DPP10: variants seen among roughly 807,000 people sequenced by gnomAD.
The protein encoded by DPP10 is dipeptidyl peptidase like 10.
In DPP10, 33 loss-of-function variants were observed where a neutral mutation model predicts 120.9. The observed-to-expected ratio is 0.27, with a 90% CI of 0.21 to 0.37. DPP10 has a LOEUF of 0.37. DPP10 is among the 10% of genes least tolerant of loss of function. DPP10 has a pLI of 1.00. For missense variants in DPP10, 816 were observed against 942.8 expected (o/e 0.87, Z 1.76); for synonymous variants, 337 against 326.1 (o/e 1.03, Z -0.36).
intron 7 of DPP10, among the ~76,000 whole-genome samples, chr2:115,718,155 T>C (rs1440078896): frequency 6.7e-6 from 1 of 149,868 alleles, no homozygotes; most frequent in Non-Finnish European, 1.5e-5. Flanking sequence ...TTATCTTTTC[T>C]AGCAAATTAC....
intron 1 of DPP10, among the ~76,000 whole-genome samples, chr2:114,897,042 T>C (rs557781665): frequency 1.3e-5 from 2 of 152,218 alleles, no homozygotes; most frequent in Non-Finnish European, 2.9e-5. Flanking sequence ...TTACATTTAT[T>C]GATTTGCATA....
At chr2:114,943,997 TTTAG>T (rs1329802911) in intron 1 of DPP10, among the ~76,000 whole-genome samples, 1 of 152,192 alleles carries the variant, frequency 6.6e-6, no homozygotes, top group Non-Finnish European at 1.5e-5. Context: ...TATGTGGTAA[TTTAG>T]TTAGCTTGGT....
At chr2:115,178,586 T>C (rs2053865988) in intron 1 of DPP10, among the ~76,000 whole-genome samples, 1 of 152,214 alleles carries the variant, frequency 6.6e-6, no homozygotes, top group South Asian at 2.1e-4. Context: ...ATGGTTATTA[T>C]GATATGTATG....
At chr2:114,525,164 T>C (rs1209966434) in intron 1 of DPP10, among the ~76,000 whole-genome samples, 1 of 152,168 alleles carries the variant, frequency 6.6e-6, no homozygotes, top group Non-Finnish European at 1.5e-5. Context: ...GTATTAGAAA[T>C]AAAGAATTGG....
rs1573327331 is a variant in DPP10, at chr2:115,019,064, C to A, written c.61-290175C>A. 2.0e-5 allele frequency among the ~76,000 whole-genome samples: 3 copies of A among 151,758 alleles called. No homozygotes were observed. The South Asian group carries it at 6.3e-4, about 32-fold the overall frequency. The stretch of plus-strand genomic sequence containing the variant: ...CAGCACCCACCTGCCACCCCTCCCC[C>A]ACCATTCTCGCACCCCCGCCCCTGC... On this transcript the variant is annotated intron_variant, in intron 1 of 25. Transcript: ENST00000410059.
intron 5 of DPP10, among the ~76,000 whole-genome samples, chr2:115,638,851 G>A (rs1325174435): frequency 6.6e-6 from 1 of 152,124 alleles, no homozygotes; most frequent in Non-Finnish European, 1.5e-5. Flanking sequence ...ACACAAACAC[G>A]GAAGCACTAA....
At chr2:115,765,312 G>A (rs1680583884) in intron 12 of DPP10, among the ~76,000 whole-genome samples, 1 of 152,090 alleles carries the variant, frequency 6.6e-6, no homozygotes, top group South Asian at 2.1e-4. Flanking sequence ...AAGGGAGAAC[G>A]GTAAGGGAGG....
At chr2:115,420,981 T>C (rs909863064) in intron 3 of DPP10, among the ~76,000 whole-genome samples, 1 of 152,200 alleles carries the variant, frequency 6.6e-6, no homozygotes, top group Non-Finnish European at 1.5e-5. Context: ...TTATAAGATA[T>C]ATTTCGTAAT....
At chr2:114,630,904 G>A (rs567212685) in intron 1 of DPP10, among the ~76,000 whole-genome samples, 4 of 152,100 alleles carry the variant, frequency 2.6e-5, no homozygotes, top group African/African-American at 9.6e-5. Context: ...TGGGAGTCTC[G>A]ATTGAACTAT....
Position 115,117,216 on chromosome 2 carries a change from T to C in DPP10, c.61-192023T>C, listed in dbSNP as rs1573674713. Among the ~76,000 whole-genome samples, 3 of 152,302 alleles carry C rather than the reference T, an allele frequency of 2.0e-5. No homozygotes were observed. In the South Asian group the frequency reaches 6.2e-4, roughly 32 times the overall value. ...GACAAAGAGTAGATTATTTAGCCTA[T>C]TTTATTTACAAGGTACAGCAAGTTA... On this transcript the variant is annotated intron_variant, in intron 1 of 25. Coordinates refer to ENST00000410059, the MANE Select transcript of DPP10 (RefSeq NM_020868.6).
At chr2:115,360,592 T>A (rs750321031) in intron 3 of DPP10, among the ~76,000 whole-genome samples, 1 of 152,152 alleles carries the variant, frequency 6.6e-6, no homozygotes, top group Non-Finnish European at 1.5e-5. Context: ...TTGGGGGGAA[T>A]CAGGGGATGA....
At chr2:115,606,233 GA>G (rs2083695726) in intron 5 of DPP10, among the ~76,000 whole-genome samples, 1 of 152,036 alleles carries the variant, frequency 6.6e-6, no homozygotes, top group South Asian at 2.1e-4. Context: ...ATTCTTGAGA[GA>G]AAAACCTGTT....
rs566329417 is a variant in DPP10, at chr2:115,435,418, T to C, written c.272-64092T>C. Among the ~76,000 whole-genome samples, 4 of 151,948 alleles carry C rather than the reference T, an allele frequency of 2.6e-5. No individual in the cohort carries two copies. The East Asian group carries it at 7.8e-4, about 29-fold the overall frequency. ...ACTGTGATGAGATGGTGTCTCATTG[T>C]GGTTTGATTCTAATTTCCCTGATGA... is the stretch of plus-strand genomic sequence containing the variant. On this transcript the variant is annotated intron_variant, in intron 3 of 25. Coordinates refer to ENST00000410059, the MANE Select transcript of DPP10 (RefSeq NM_020868.6).
At chr2:114,488,769 T>G (rs1413594377) in intron 1 of DPP10, among the ~76,000 whole-genome samples, 2 of 152,196 alleles carry the variant, frequency 1.3e-5, no homozygotes, top group Non-Finnish European at 2.9e-5. Context: ...CAACATCCTT[T>G]TAATAAGAAG....
chr2:115,139,724 T>TAAAAAAAAAAAAAAAAAA (rs55826687), intron 1 of DPP10, among the ~76,000 whole-genome samples: 7 of 56,632 alleles, frequency 1.2e-4, no homozygotes, highest in Admixed American at 5.1e-4. Flanking sequence ...GTAAAAATAC[T>TAAAAAAAAAAAAAAAAAA]AAAAAAAAAA....
intron 1 of DPP10, among the ~76,000 whole-genome samples, chr2:114,751,371 A>AC (rs1202679435): frequency 6.6e-6 from 1 of 152,068 alleles, no homozygotes; most frequent in Non-Finnish European, 1.5e-5. Context: ...ACTTATTCAC[A>AC]CCCCAGCCAC....
intron 1 of DPP10, among the ~76,000 whole-genome samples, chr2:114,673,609 C>G (rs2105654176): frequency 6.6e-6 from 1 of 152,004 alleles, no homozygotes; most frequent in Admixed American, 6.6e-5. Flanking sequence ...ATGCACACCA[C>G]CTCATCTGGC....
At chr2:114,477,778 CATATGTAT>C (rs1022873103) in intron 1 of DPP10, among the ~76,000 whole-genome samples, 14 of 150,146 alleles carry the variant, frequency 9.3e-5, no homozygotes, top group Admixed American at 2.7e-4. Context: ...TTTATACATA[CATATGTAT>C]ATATGTATAT....
intron 3 of DPP10, among the ~76,000 whole-genome samples, chr2:115,383,344 C>T (rs1304405688): frequency 6.6e-6 from 1 of 152,202 alleles, no homozygotes; most frequent in Non-Finnish European, 1.5e-5. Flanking sequence ...CTTCTCTTGT[C>T]TGCCACCATG....
Sources: allele counts gnomAD v4.1 joint callset (sites outside exome capture counted in the v4.1 genomes callset), GRCh38; gene constraint gnomAD v4.1.1; transcripts MANE v1.5; gene names NCBI Gene and HGNC (gene_info 2026-07-23, HGNC 2026-07-21).